MBNL1: variants seen among roughly 807,000 people sequenced by gnomAD.
MBNL1 encodes the protein muscleblind-like protein 1.
In MBNL1, 8 loss-of-function variants were observed where a neutral mutation model predicts 42.2. That is an observed-to-expected ratio of 0.19 (90% confidence interval 0.11 to 0.34). The LOEUF (loss-of-function observed/expected upper bound fraction) is 0.34, where lower values mean the gene tolerates loss of function less well. Ranked by LOEUF, MBNL1 falls within the 10% of genes least tolerant of loss-of-function variation. The pLI, the probability that MBNL1 is intolerant of heterozygous loss-of-function variation, is 1.00. For missense variants in MBNL1, 309 were observed against 495.3 expected (o/e 0.62, Z 3.57); for synonymous variants, 169 against 173.9 (o/e 0.97, Z 0.22).
upstream of MBNL1, chr3:152,264,365 A>G (rs1461344790): frequency 6.6e-6 from 1 of 152,222 alleles, no homozygotes; most frequent in Admixed American, 6.5e-5. Context: ...AATAGAAAGA[A>G]TAAAAGAAGG....
At chr3:152,387,704 G>A (rs1287105175) in intron 2 of MBNL1, among the ~76,000 whole-genome samples, 1 of 152,054 alleles carries the variant, frequency 6.6e-6, no homozygotes, top group Non-Finnish European at 1.5e-5. Flanking sequence ...CCTAGGTAAA[G>A]TGCCATTGTA....
chr3:152,349,310 A>G lies in MBNL1; in HGVS notation c.174+48943A>G, dbSNP rs147109199. ...GGCTAGATTTTGACTTAAGTTACCT[A>G]CAATGTCTTGTTTCATAGTTTGAGA... On this transcript the variant is annotated intron_variant, in intron 2 of 9. Coordinates refer to ENST00000324210, the MANE Select transcript of MBNL1 (RefSeq NM_021038.5). Among the ~76,000 whole-genome samples the G allele has an allele frequency of 7.9e-5, 12 of 152,212 alleles. No homozygotes were observed. The East Asian group carries it at 2.3e-3, about 29-fold the overall frequency.
intron 2 of MBNL1, among the ~76,000 whole-genome samples, chr3:152,376,663 A>G (rs201739287): frequency 6.6e-6 from 1 of 152,060 alleles, no homozygotes. Context: ...TTTTTGGCTA[A>G]TAGTATGTTT....
In MBNL1 at chr3:152,410,095, C is replaced by A. The variant is rs2098529975; in HGVS notation, c.175-4846C>A. 2.0e-5 allele frequency among the ~76,000 whole-genome samples: 3 copies of A among 151,792 alleles called. No homozygotes were observed. The South Asian group carries it at 6.2e-4, about 31-fold the overall frequency. On this transcript the variant is annotated intron_variant, in intron 2 of 9. Transcript: ENST00000324210. ...CTTCCATTATATAATTTATATCTTA[C>A]TATATATATCACATATGCAGTTTAT...
At chr3:152,434,585 G>T (rs554098709) in intron 4 of MBNL1, among the ~76,000 whole-genome samples, 1 of 152,092 alleles carries the variant, frequency 6.6e-6, no homozygotes, top group Non-Finnish European at 1.5e-5. Context: ...TTACTGGGTC[G>T]AATGGTATTT....
At chr3:152,319,706 T>C (rs1358497226) in intron 2 of MBNL1, among the ~76,000 whole-genome samples, 1 of 140,058 alleles carries the variant, frequency 7.1e-6, no homozygotes, top group African/African-American at 2.6e-5. Context: ...AATTTACTAA[T>C]AAAATGACAT....
At chr3:152,307,559 CTCA>C (rs2151899780) in intron 2 of MBNL1, among the ~76,000 whole-genome samples, 1 of 152,162 alleles carries the variant, frequency 6.6e-6, no homozygotes, top group African/African-American at 2.4e-5. Flanking sequence ...CCTATAAAAT[CTCA>C]TCGAGATAGT....
At chr3:152,331,763 T>G (rs2084769839) in intron 2 of MBNL1, among the ~76,000 whole-genome samples, 1 of 152,162 alleles carries the variant, frequency 6.6e-6, no homozygotes, top group African/African-American at 2.4e-5. Flanking sequence ...AGTGGCATGA[T>G]CTCAGCAACC....
At position 152,382,779 on chromosome 3, in the gene MBNL1, C is replaced by A. The variant is rs574256153; in HGVS notation, c.175-32162C>A. Among the ~76,000 whole-genome samples, 6 of 152,254 alleles carry A rather than the reference C, an allele frequency of 3.9e-5. 1 individual carries two copies. The highest frequency in any genetic ancestry group is 3.9e-4 in the Admixed American group (6 of 15,272). Reference sequence around the variant, plus strand: ...GCTATCTTTTCCTTGTTTTTCCTCACCTTTTAAATCCAGTTTTTGTTATCT... The same window carrying A: ...GCTATCTTTTCCTTGTTTTTCCTCAACTTTTAAATCCAGTTTTTGTTATCT... On this transcript the variant is annotated intron_variant, in intron 2 of 9. Coordinates refer to ENST00000324210, the MANE Select transcript of MBNL1 (RefSeq NM_021038.5).
intron 2 of MBNL1, among the ~76,000 whole-genome samples, chr3:152,336,279 TTAGATTGTTAAA>T (rs1244642768): frequency 6.6e-6 from 1 of 152,168 alleles, no homozygotes; most frequent in Admixed American, 6.5e-5. Flanking sequence ...TTTTTGTTGT[TTAGATTGTTAAA>T]AACTGGTTTT....
intron 1 of MBNL1, among the ~76,000 whole-genome samples, chr3:152,270,449 G>C (rs1370146638): frequency 3.3e-5 from 5 of 152,274 alleles, no homozygotes; most frequent in Middle Eastern, 3.4e-3. Context: ...TAGTACCTAA[G>C]TATTCTATAC....
In MBNL1 at chr3:152,310,952, TCA is replaced by T. The variant is rs1245510375; in HGVS notation, c.174+10588_174+10589del. ...TGCTTGAAATATAATATATTTTAAA[TCA>T]CAAAAGTAGTATAACTGTTATTTTT... On this transcript the variant is annotated intron_variant, in intron 2 of 9. Transcript: ENST00000324210. Among the ~76,000 whole-genome samples, 4 of 148,998 alleles carry T rather than the reference TCA, an allele frequency of 2.7e-5. No homozygotes were observed. In the East Asian group the frequency reaches 8.0e-4, roughly 30 times the overall value.
intron 1 of MBNL1, among the ~76,000 whole-genome samples, chr3:152,294,757 A>G (rs2057821798): frequency 6.6e-6 from 1 of 152,218 alleles, no homozygotes; most frequent in Admixed American, 6.5e-5. Flanking sequence ...AAGAATTCTC[A>G]TAATCTGGAC....
chr3:152,400,357 A>C (rs16864254), intron 2 of MBNL1, among the ~76,000 whole-genome samples: 6,078 of 152,256 alleles, frequency 0.04, 405 homozygotes, highest in African/African-American at 0.14. Flanking sequence ...AGCAACTTAA[A>C]ATTGAGTTAT....
intron 3 of MBNL1, among the ~76,000 whole-genome samples, chr3:152,431,953 C>A (rs977423501): frequency 2.6e-5 from 4 of 152,204 alleles, no homozygotes; most frequent in African/African-American, 9.7e-5. Flanking sequence ...GGAAGAAATT[C>A]TGTCTTGTAG....
In MBNL1 at chr3:152,418,614, TAAAA is replaced by T. The variant is rs35149542; in HGVS notation, c.345+3517_345+3520del. 6.5e-5 allele frequency among the ~76,000 whole-genome samples: 7 copies of T among 106,940 alleles called. No homozygotes were observed. The East Asian group carries it at 8.4e-4, about 13-fold the overall frequency. 70.2% of individuals were successfully genotyped at this position (106,940 alleles called of 152,430 possible). ...GGGTGTCAGAATAAGACCCTGTCTC[TAAAA>T]AAAAAAAAAAAAAGAGAGAGAGAGA... On this transcript the variant is annotated intron_variant, in intron 3 of 9. Transcript: ENST00000324210.
chr3:152,312,164 C>CCTGGGCG (rs1383685656), intron 2 of MBNL1, among the ~76,000 whole-genome samples: 4 of 145,484 alleles, frequency 2.7e-5, no homozygotes, highest in African/African-American at 1.0e-4. Flanking sequence ...TGCACTCCAG[C>CCTGGGCG]CTGGGCGACA....
At chr3:152,443,600 C>T (rs1346196338) in intron 4 of MBNL1, among the ~76,000 whole-genome samples, 1 of 151,700 alleles carries the variant, frequency 6.6e-6, no homozygotes, top group Non-Finnish European at 1.5e-5. Context: ...GTACTGGGTA[C>T]TGTTTTAGCA....
intron 2 of MBNL1, among the ~76,000 whole-genome samples, chr3:152,388,833 G>A (rs1410359660): frequency 6.6e-6 from 1 of 152,192 alleles, no homozygotes; most frequent in Non-Finnish European, 1.5e-5. Flanking sequence ...GGTAGATGAA[G>A]TGACTAAATG....
Sources: allele counts gnomAD v4.1 joint callset (sites outside exome capture counted in the v4.1 genomes callset), GRCh38; gene constraint gnomAD v4.1.1; transcripts MANE v1.5; gene names NCBI Gene and HGNC (gene_info 2026-07-23, HGNC 2026-07-21).